The following USH2A variants were observed in gnomAD, a reference collection of about 807,000 sequenced individuals.
USH2A encodes Usher syndrome 2A (autosomal recessive, mild).
Under a neutral mutation model 538.9 loss-of-function variants are expected in USH2A, and 443 were observed. The observed-to-expected ratio is 0.82, with a 90% CI of 0.76 to 0.89. The LOEUF (loss-of-function observed/expected upper bound fraction) is 0.89. Among genes scored for constraint, USH2A ranks in the 40% least tolerant of loss-of-function variants. The pLI is 0.00. For missense variants in USH2A, 6,633 were observed against 6,324.8 expected (o/e 1.05, Z -1.65); for synonymous variants, 2,413 against 2,273.5 (o/e 1.06, Z -1.75).
At chr1:216,362,670 C>T (rs962682500) in intron 4 of USH2A, among the ~76,000 whole-genome samples, 22 of 151,846 alleles carry the variant, frequency 1.4e-4, no homozygotes, top group Admixed American at 5.2e-4. Context: ...CGGCAGGGTG[C>T]GGTGGCTCAC....
At chr1:216,145,254 A>G (rs1485062826) in intron 21 of USH2A, among the ~76,000 whole-genome samples, 4 of 152,210 alleles carry the variant, frequency 2.6e-5, no homozygotes, top group Admixed American at 6.5e-5. Context: ...TCAGTTCTGC[A>G]TGGAGCAGGC....
At chr1:215,948,186 T>C (rs1409355510) in intron 37 of USH2A, among the ~76,000 whole-genome samples, 1 of 152,058 alleles carries the variant, frequency 6.6e-6, no homozygotes, top group Non-Finnish European at 1.5e-5. Flanking sequence ...TCTGAAATGC[T>C]TCCAATAGTT....
chr1:216,298,814 A>G (rs954611525), intron 9 of USH2A, among the ~76,000 whole-genome samples: 1 of 151,310 alleles, frequency 6.6e-6, no homozygotes, highest in Non-Finnish European at 1.5e-5. Flanking sequence ...CACAGGACCC[A>G]GAAATTCCAC....
intron 71 of USH2A, among the ~76,000 whole-genome samples, chr1:215,628,043 CT>C (rs1656123301): frequency 6.6e-6 from 1 of 152,120 alleles, no homozygotes; most frequent in African/African-American, 2.4e-5. Flanking sequence ...AAAGATGAAG[CT>C]TATAAATAGT....
At chr1:216,396,414 T>C (rs546120225) in intron 3 of USH2A, among the ~76,000 whole-genome samples, 2 of 152,272 alleles carry the variant, frequency 1.3e-5, no homozygotes, top group Admixed American at 1.3e-4. Context: ...CTAGAGTTTA[T>C]GCTCAGTTAC....
At chr1:216,202,595 G>T (rs2035024371) in intron 16 of USH2A, among the ~76,000 whole-genome samples, 1 of 152,138 alleles carries the variant, frequency 6.6e-6, no homozygotes, top group African/African-American at 2.4e-5. Context: ...TGCATTTTCA[G>T]AGAAACATTT....
intron 32 of USH2A, among the ~76,000 whole-genome samples, chr1:216,008,398 T>G (rs1372766876): frequency 6.6e-6 from 1 of 151,804 alleles, no homozygotes; most frequent in Non-Finnish European, 1.5e-5. Context: ...GACTGTAATT[T>G]TCCTTTACCT....
chr1:216,244,307 G>A (rs1419364375), intron 13 of USH2A, among the ~76,000 whole-genome samples: 1 of 152,160 alleles, frequency 6.6e-6, no homozygotes, highest in East Asian at 1.9e-4. Context: ...ATATCAGGAA[G>A]CAAAGCTAGG....
chr1:215,973,391 T>C (rs897383781), intron 35 of USH2A, among the ~76,000 whole-genome samples: 2 of 152,176 alleles, frequency 1.3e-5, no homozygotes, highest in Non-Finnish European at 1.5e-5. Flanking sequence ...TAGTAAGTTC[T>C]ACACACTTAC....
intron 9 of USH2A, among the ~76,000 whole-genome samples, chr1:216,308,182 G>A (rs2037352499): frequency 6.6e-6 from 1 of 152,112 alleles, no homozygotes; most frequent in Admixed American, 6.5e-5. Flanking sequence ...TCTAAAACAA[G>A]CTTTCTGTAG....
At chr1:215,630,497 T>TG (rs1656238158) in intron 70 of USH2A, among the ~76,000 whole-genome samples, 1 of 58,398 alleles carries the variant, frequency 1.7e-5, no homozygotes, top group African/African-American at 3.7e-5. Flanking sequence ...TATATATATA[T>TG]ATATATATAT....
chr1:215,639,500 G>A (rs537747392), intron 68 of USH2A, among the ~76,000 whole-genome samples: 4 of 152,294 alleles, frequency 2.6e-5, no homozygotes, highest in African/African-American at 7.2e-5. Context: ...AACATCAGAC[G>A]AGTAAAGGGT....
At chr1:216,348,548 G>C (rs532851881) in intron 4 of USH2A, among the ~76,000 whole-genome samples, 10 of 152,082 alleles carry the variant, frequency 6.6e-5, no homozygotes, top group Non-Finnish European at 1.2e-4. Flanking sequence ...TCTTATCTGA[G>C]ATTCCTTTTT....
chr1:215,675,620 CAGA>C lies in USH2A; in HGVS notation c.12295-7_12295-5del. ...CGTCACTGAAGATGTTGTATGTCTA[CAGA>C]AGGACAGAAGCAAAAGGGATAACTT... is the stretch of plus-strand genomic sequence containing the variant. On this transcript the variant is annotated splice_polypyrimidine_tract_variant and splice_region_variant and intron_variant, in intron 62 of 71. Coordinates refer to ENST00000307340, the MANE Select transcript of USH2A (RefSeq NM_206933.4). 6.2e-7 allele frequency: 1 copy of C among 1,614,110 alleles called. No homozygotes were observed. Among genetic ancestry groups the C allele is most frequent in the Non-Finnish European group, 8.5e-7 (1 of 1,179,984 alleles).
At chr1:216,354,034 C>T (rs1571732602) in intron 4 of USH2A, among the ~76,000 whole-genome samples, 1 of 152,122 alleles carries the variant, frequency 6.6e-6, no homozygotes, top group Admixed American at 6.6e-5. Context: ...CATACAGAGG[C>T]CAGAATGACA....
intron 30 of USH2A, among the ~76,000 whole-genome samples, chr1:216,055,993 T>C (rs1001258190): frequency 2.0e-5 from 3 of 152,190 alleles, no homozygotes; most frequent in African/African-American, 7.2e-5. Flanking sequence ...AGGAAAAACA[T>C]TATTCTTTAT....
rs777633505 is a variant in USH2A at position 216,321,864 on chromosome 1, T to G, written c.1644+19A>C. 12 of 1,601,036 alleles carry G rather than the reference T, an allele frequency of 7.5e-6. No homozygotes were observed. Among genetic ancestry groups the G allele is most frequent in the Middle Eastern group, 1.7e-4 (1 of 6,040 alleles). ...CTACTATTTTTTTTTTAGATTTCCATGCATAAAATAGAACTCACATGAAGT... is the reference window on the plus strand; with the variant it reads ...CTACTATTTTTTTTTTAGATTTCCAGGCATAAAATAGAACTCACATGAAGT... On this transcript the variant is annotated intron_variant, in intron 9 of 71. Coordinates refer to ENST00000307340, the MANE Select transcript of USH2A (RefSeq NM_206933.4).
At chr1:215,651,364 T>A (rs188718962) in intron 64 of USH2A, among the ~76,000 whole-genome samples, 231 of 152,294 alleles carry the variant, frequency 1.5e-3, no homozygotes, top group African/African-American at 5.2e-3. Context: ...TCAGGTACAA[T>A]AGACAGAGTA....
intron 40 of USH2A, among the ~76,000 whole-genome samples, chr1:215,895,103 GA>G (rs1235295773): frequency 6.6e-6 from 1 of 152,094 alleles, no homozygotes; most frequent in African/African-American, 2.4e-5. Flanking sequence ...AATCTCAAGG[GA>G]AAAACAGTAT....
Sources: gnomAD v4.1 joint callset for allele counts (sites outside exome capture counted in the v4.1 genomes callset) on GRCh38, gnomAD v4.1.1 for gene constraint, MANE v1.5 for transcripts, NCBI Gene and HGNC (gene_info 2026-07-23, HGNC 2026-07-21) for gene names.